ROBO2: variants seen among roughly 807,000 people sequenced by gnomAD.
The protein encoded by ROBO2 is roundabout homolog 2.
ROBO2 carries 53 observed loss-of-function variants against 160.8 expected under a neutral mutation model. The observed-to-expected ratio is 0.33, with a 90% CI of 0.26 to 0.41. ROBO2 has a LOEUF of 0.41. ROBO2 is among the 10% of genes least tolerant of loss of function. ROBO2 has a pLI of 1.00. For missense variants in ROBO2, 1,577 were observed against 1,722.4 expected, an observed-to-expected ratio of 0.92 and a Z score of 1.49; for synonymous variants, 664 against 611.7, an observed-to-expected ratio of 1.09 and a Z score of -1.26.
chr3:76,036,670 A>C (rs1366168553), intron 2 of ROBO2, among the ~76,000 whole-genome samples: 2 of 150,554 alleles, frequency 1.3e-5, no homozygotes, highest in Admixed American at 1.3e-4. Flanking sequence ...GTACCCAGCT[A>C]ATTTTGTATT....
At chr3:77,039,556 C>A (rs2063861766), upstream of ROBO2, among the ~76,000 whole-genome samples, 1 of 152,126 alleles carries the variant, frequency 6.6e-6, no homozygotes, top group Non-Finnish European at 1.5e-5. Flanking sequence ...AGTGGGCACC[C>A]GGGGGCGCGG....
At chr3:77,115,181 T>C (rs1408570074) in intron 2 of ROBO2, among the ~76,000 whole-genome samples, 1 of 152,096 alleles carries the variant, frequency 6.6e-6, no homozygotes, top group Non-Finnish European at 1.5e-5. Flanking sequence ...GAATAGACAA[T>C]CTGTGGAATG....
chr3:77,074,423 A>G (rs1559952987), intron 1 of ROBO2, among the ~76,000 whole-genome samples: 2 of 152,192 alleles, frequency 1.3e-5, no homozygotes, highest in Non-Finnish European at 2.9e-5. Context: ...CACTAATGCA[A>G]TTAGTACATC....
intron 2 of ROBO2, among the ~76,000 whole-genome samples, chr3:77,420,226 A>C (rs2077589739): frequency 6.6e-6 from 1 of 151,710 alleles, no homozygotes; most frequent in Non-Finnish European, 1.5e-5. Context: ...TGTATTAAGT[A>C]AATATTTAAG....
chr3:76,402,039 T>G (rs890375500), intron 2 of ROBO2, among the ~76,000 whole-genome samples: 14 of 151,562 alleles, frequency 9.2e-5, no homozygotes, highest in African/African-American at 1.9e-4. Flanking sequence ...AATATAAGCC[T>G]TGGTGTCTCT....
At chr3:76,228,163 C>A (rs747174327) in intron 2 of ROBO2, among the ~76,000 whole-genome samples, 1 of 152,046 alleles carries the variant, frequency 6.6e-6, no homozygotes, top group African/African-American at 2.4e-5. Flanking sequence ...TGGCAGTCTA[C>A]CAAAGGATTC....
chr3:76,585,845 T>C (rs2086000880), intron 2 of ROBO2, among the ~76,000 whole-genome samples: 1 of 152,180 alleles, frequency 6.6e-6, no homozygotes, highest in South Asian at 2.1e-4. Context: ...TGTATGTACA[T>C]GCGTATACAG....
At chr3:77,046,352 C>T (rs995577907) in intron 1 of ROBO2, among the ~76,000 whole-genome samples, 1 of 152,188 alleles carries the variant, frequency 6.6e-6, no homozygotes, top group African/African-American at 2.4e-5. Context: ...GTCCTGATTT[C>T]TAATCCCTTC....
chr3:76,768,303 T>G (rs543255318), intron 2 of ROBO2, among the ~76,000 whole-genome samples: 2 of 151,598 alleles, frequency 1.3e-5, no homozygotes, highest in South Asian at 4.1e-4. Context: ...GAAGACAGTT[T>G]AGAATAATTT....
At chr3:76,527,593 A>G (rs532058499) in intron 2 of ROBO2, among the ~76,000 whole-genome samples, 2 of 152,178 alleles carry the variant, frequency 1.3e-5, no homozygotes, top group African/African-American at 4.8e-5. Flanking sequence ...AGTGCCTACT[A>G]TATGCCAGAT....
chr3:77,102,001 A>C (rs987934418), intron 2 of ROBO2, among the ~76,000 whole-genome samples: 1 of 152,146 alleles, frequency 6.6e-6, no homozygotes. Context: ...GATGGTGCCA[A>C]TGCACTCCAG....
intron 2 of ROBO2, among the ~76,000 whole-genome samples, chr3:76,859,445 C>T (rs1395778652): frequency 1.3e-5 from 2 of 152,172 alleles, no homozygotes; most frequent in Non-Finnish European, 2.9e-5. Flanking sequence ...GGCTTACTAG[C>T]AGGTAACCCA....
At chr3:76,430,838 T>C (rs77361873) in intron 2 of ROBO2, among the ~76,000 whole-genome samples, 1 of 152,216 alleles carries the variant, frequency 6.6e-6, no homozygotes, top group East Asian at 1.9e-4. Flanking sequence ...GCGTATATGT[T>C]ATTTGAAAAA....
intron 2 of ROBO2, among the ~76,000 whole-genome samples, chr3:76,373,665 G>T (rs554988522): frequency 6.6e-6 from 1 of 152,012 alleles, no homozygotes; most frequent in South Asian, 2.1e-4. Context: ...AAATAAATTG[G>T]TGCTCAACAG....
chr3:75,918,050 T>C (rs889952221), intron 1 of ROBO2, among the ~76,000 whole-genome samples: 31 of 152,230 alleles, frequency 2.0e-4, no homozygotes, highest in African/African-American at 7.5e-4. Context: ...AGATTCCATC[T>C]GTCAATTTTG....
intron 2 of ROBO2, among the ~76,000 whole-genome samples, chr3:76,863,237 T>C (rs924897646): frequency 1.3e-5 from 2 of 152,082 alleles, no homozygotes; most frequent in African/African-American, 2.4e-5. Context: ...ACAGGCTGTT[T>C]CTTCTGTGTA....
intron 2 of ROBO2, among the ~76,000 whole-genome samples, chr3:75,951,512 C>T (rs1349395947): frequency 3.3e-5 from 5 of 152,002 alleles, no homozygotes; most frequent in Non-Finnish European, 5.9e-5. Context: ...TATGTGAACT[C>T]CTTTACATCA....
At chr3:76,695,992 T>C (rs1048132070) in intron 2 of ROBO2, among the ~76,000 whole-genome samples, 6 of 152,190 alleles carry the variant, frequency 3.9e-5, no homozygotes, top group Non-Finnish European at 2.9e-5. Flanking sequence ...ACAGCCCAGT[T>C]TGGGAACTAT....
At chr3:77,145,083 GAATAAAGTT>G (rs969072537) in intron 2 of ROBO2, among the ~76,000 whole-genome samples, 1 of 152,032 alleles carries the variant, frequency 6.6e-6, no homozygotes, top group African/African-American at 2.4e-5. Flanking sequence ...AAATTGAAAT[GAATAAAGTT>G]AATTGGCTTT....
Sources: gnomAD v4.1 joint callset for allele counts (sites outside exome capture counted in the v4.1 genomes callset) on GRCh38, gnomAD v4.1.1 for gene constraint, MANE v1.5 for transcripts, NCBI Gene and HGNC (gene_info 2026-07-23, HGNC 2026-07-21) for gene names.